The following DCST1 variants were observed in gnomAD, a reference collection of about 807,000 sequenced individuals.
DCST1 encodes the protein DC-STAMP domain containing 1.
DCST1 carries 78 observed loss-of-function variants against 89.1 expected under a neutral mutation model. The ratio of observed to expected loss-of-function variants is 0.88; its 90% CI spans 0.73 to 1.06. The LOEUF is 1.06. DCST1 is among the 50% of genes least tolerant of loss of function. The probability of loss-of-function intolerance (pLI) is 0.00; values close to 1 mark genes in which losing one functional copy is unlikely to be tolerated. For synonymous variants in DCST1, 364 were observed against 371.9 expected (o/e 0.98, Z 0.24); for missense variants, 900 against 928.6 (o/e 0.97, Z 0.40).
In DCST1 at chr1:155,048,222, G is replaced by A. The variant is rs753889174; in HGVS notation, c.1869+52G>A. 2.6e-5 allele frequency: 38 copies of A among 1,474,022 alleles called. No homozygotes were observed. In the South Asian group the frequency reaches 3.9e-4, roughly 15 times the overall value. 91.3% of individuals were successfully genotyped at this position (1,474,022 alleles called of 1,614,324 possible). A position where few individuals can be genotyped will look rare whatever the true frequency, so the allele number is the denominator to read the frequency against. On this transcript the variant is annotated intron_variant, in intron 16 of 16. Coordinates refer to ENST00000295542, the MANE Select transcript of DCST1 (RefSeq NM_152494.4). Reference sequence around the variant, plus strand: ...CAGCTCCTGGCTGGGTCTAAGTACAGCAGGCAAGGGGCAGCTCCCTTCAGT... The same window carrying A: ...CAGCTCCTGGCTGGGTCTAAGTACAACAGGCAAGGGGCAGCTCCCTTCAGT...
At chr1:155,043,689 T>C (rs1349590117) in intron 10 of DCST1, among the ~76,000 whole-genome samples, 180 bp downstream of exon 10, 1 of 152,186 alleles carries the variant, frequency 6.6e-6, no homozygotes, top group East Asian at 1.9e-4. Context: ...CAGAAGAACA[T>C]TACCCATGTT....
intron 8 of DCST1, 28 bp from the exon 9 acceptor site, chr1:155,042,707 G>A: frequency 5.0e-6 from 8 of 1,613,690 alleles, no homozygotes; most frequent in Non-Finnish European, 6.8e-6. Context: ...GCCCGGGGAG[G>A]CCCCTGACCC....
chr1:155,035,649 G>A (rs1281524184), intron 4 of DCST1, among the ~76,000 whole-genome samples: 2 of 152,108 alleles, frequency 1.3e-5, no homozygotes, highest in African/African-American at 4.8e-5. Context: ...GAAGAAACAG[G>A]CCAGGCACAA....
At chr1:155,039,296 T>C in intron 4 of DCST1, 107 bp from the exon 5 acceptor site, 1 of 1,362,774 alleles carries the variant, frequency 7.3e-7, no homozygotes. Flanking sequence ...AAGGGCAGGA[T>C]GGTGGTGGTT....
At chr1:155,034,385 C>G in intron 2 of DCST1, 50 bp from the exon 3 acceptor site, 1 of 1,613,128 alleles carries the variant, frequency 6.2e-7, no homozygotes, top group Non-Finnish European at 8.5e-7. Flanking sequence ...CTAATGAGCC[C>G]CATCCCAGGC....
rs1461913394 is a variant in DCST1 at position 155,034,831 on chromosome 1, C to G, written c.262+104C>G. The G allele has an allele frequency of 2.4e-6, 3 of 1,240,566 alleles. No individual in the cohort carries two copies. In the East Asian group the frequency reaches 7.1e-5, roughly 29 times the overall value. The allele number at this position is 1,240,566 out of a possible 1,614,324, so 76.8% of individuals were successfully genotyped here. ...GGGACTTGTTTCTTCTGTACCCATA[C>G]ATCCCCTGTGGCTTCCGCCTCCTCC... On this transcript the variant is annotated intron_variant, in intron 4 of 16. Coordinates refer to ENST00000295542, the MANE Select transcript of DCST1 (RefSeq NM_152494.4).
intron 6 of DCST1, among the ~76,000 whole-genome samples, chr1:155,041,161 TG>T (rs543920756): frequency 2.6e-5 from 4 of 151,608 alleles, no homozygotes; most frequent in African/African-American, 4.9e-5. Context: ...GCTGAGAGTC[TG>T]GGAGGTACGC....
intron 8 of DCST1, 116 bp from the exon 9 acceptor site, chr1:155,042,619 C>A: frequency 7.0e-7 from 1 of 1,423,314 alleles, no homozygotes; most frequent in Non-Finnish European, 9.7e-7. Context: ...GGTAGCAAGC[C>A]ATGGGCAGAG....
chr1:155,043,298 C>G (rs1660490889), intron 9 of DCST1, 54 bp from the exon 10 acceptor site: 7 of 1,612,220 alleles, frequency 4.3e-6, no homozygotes, highest in Non-Finnish European at 5.9e-6. Context: ...AGAGGTGGGA[C>G]CCAGGTCTGA....
rs752779372 is a variant in DCST1, at chr1:155,043,389, G to A, written c.1052G>A (p.Ser351Asn). Reference sequence around the variant, plus strand: ...GCTGGGGTGCTGGGGCTCAACACAAGCTGGGAGCGCGTGAGCACCGAGGTG... The same window carrying A: ...GCTGGGGTGCTGGGGCTCAACACAAACTGGGAGCGCGTGAGCACCGAGGTG... ...KQAGVLGLNT[S>N]WERVSTEVRD... Residue 351 changes from serine to asparagine, a missense_variant, in exon 10 of 17, where the codon AGC (serine) becomes AAC (asparagine). By Grantham distance (46) the Ser-to-Asn change is conservative. Transcript: ENST00000295542. The A allele has an allele frequency of 1.2e-6, 2 of 1,614,074 alleles. No individual in the cohort carries two copies. Among genetic ancestry groups the A allele is most frequent in the Non-Finnish European group, 1.7e-6 (2 of 1,179,988 alleles).
In DCST1 at chr1:155,046,105, T is replaced by G; in HGVS notation, c.1273-20T>G. 1 of 1,614,118 alleles carries G rather than the reference T, an allele frequency of 6.2e-7. No individual in the cohort carries two copies. The highest frequency in any genetic ancestry group is 8.5e-7 in the Non-Finnish European group (1 of 1,180,016). ...AGAGGGCCCTTGGGCTTCCTAACTG[T>G]GTGGACATTTGTTTTCCAGGGCAAA... On this transcript the variant is annotated intron_variant, in intron 11 of 16. Coordinates refer to ENST00000295542, the MANE Select transcript of DCST1 (RefSeq NM_152494.4).
intron 8 of DCST1, 43 bp from the exon 9 acceptor site, chr1:155,042,692 G>A: frequency 6.2e-7 from 1 of 1,612,994 alleles, no homozygotes; most frequent in Non-Finnish European, 8.5e-7. Flanking sequence ...GCACCTGGAG[G>A]ACAGGCCCGG....
At chr1:155,050,181 A>G (rs1660853452) in intron 16 of DCST1, among the ~76,000 whole-genome samples, 1 of 152,224 alleles carries the variant, frequency 6.6e-6, no homozygotes, top group Non-Finnish European at 1.5e-5. Flanking sequence ...CAGGGAGCAT[A>G]GTGAACTAGG....
chr1:155,045,687 G>C lies in DCST1; in HGVS notation c.1173-206G>C, dbSNP rs1337279977. 1.2e-5 allele frequency: 7 copies of C among 587,620 alleles called. No homozygotes were observed. The Admixed American group carries it at 1.5e-4, about 12-fold the overall frequency. 36.4% of individuals were successfully genotyped at this position (587,620 alleles called of 1,614,324 possible). The stretch of plus-strand genomic sequence containing the variant: ...CTGCTATGTCTCACCCATCATGTAG[G>C]GGGATGTCTTCCTCTACACAATTGG... On this transcript the variant is annotated intron_variant, in intron 10 of 16. Transcript: ENST00000295542.
chr1:155,035,884 C>A (rs974029523), intron 4 of DCST1, among the ~76,000 whole-genome samples: 11 of 151,860 alleles, frequency 7.2e-5, no homozygotes, highest in Admixed American at 6.6e-4. Flanking sequence ...GAGTGGAGAT[C>A]GTGCCACTGC....
chr1:155,043,581 A>T, intron 10 of DCST1, 72 bp downstream of exon 10: 3 of 1,483,826 alleles, frequency 2.0e-6, no homozygotes, highest in Non-Finnish European at 2.7e-6. Context: ...GGGAGGCTGT[A>T]AGGATGGAAC....
At position 155,046,188 on chromosome 1, in the gene DCST1, C is replaced by A. The variant is rs1010901905; in HGVS notation, c.1336C>A (p.Pro446Thr). ...EEKTVIFPCK[P>T]TIQASEMSNV... Reference sequence around the variant, plus strand: ...GAAAACCGTCATCTTCCCTTGCAAGCCCACCATCCAGGCCTCAGAAATGAG... The same window carrying A: ...GAAAACCGTCATCTTCCCTTGCAAGACCACCATCCAGGCCTCAGAAATGAG... The change falls in exon 12 of 17, where the codon CCC becomes ACC. Residue 446 changes from proline (P) to threonine (T), a missense_variant. Transcript: ENST00000295542. 5.6e-6 allele frequency: 9 copies of A among 1,614,094 alleles called. No individual in the cohort carries two copies. Among genetic ancestry groups the A allele is most frequent in the Non-Finnish European group, 7.6e-6 (9 of 1,180,054 alleles).
At position 155,036,212 on chromosome 1, in the gene DCST1, A is replaced by C. The variant is rs566474208; in HGVS notation, c.262+1485A>C. Among the ~76,000 whole-genome samples the C allele has an allele frequency of 1.5e-3, 233 of 152,304 alleles. 1 individual carries two copies. The highest frequency in any genetic ancestry group is 2.4e-3 in the Non-Finnish European group (160 of 68,028). ...TTCCTGAACCTGTCCCAGGCAAGGG[A>C]AATAGAATTAGCATTTCATCACCTG... On this transcript the variant is annotated intron_variant, in intron 4 of 16. Transcript: ENST00000295542.
chr1:155,033,815 G>T, upstream of DCST1: 1 of 1,483,094 alleles, frequency 6.7e-7, no homozygotes, highest in Non-Finnish European at 9.1e-7. Context: ...CATATGTCTT[G>T]GAATCCTTGA....
Sources: allele counts gnomAD v4.1 joint callset (sites outside exome capture counted in the v4.1 genomes callset), GRCh38; gene constraint gnomAD v4.1.1; transcripts MANE v1.5; gene names NCBI Gene and HGNC (gene_info 2026-07-23, HGNC 2026-07-21).